The following HS3ST3A1 variants were observed in gnomAD, a reference collection of about 807,000 sequenced individuals.
HS3ST3A1 encodes heparan sulfate-glucosamine 3-sulfotransferase 3A1.
Under a neutral mutation model 25.7 loss-of-function variants are expected in HS3ST3A1, and 19 were observed. That is an observed-to-expected ratio of 0.74 (90% CI 0.52 to 1.08). The LOEUF (loss-of-function observed/expected upper bound fraction) is 1.08. Ranked by LOEUF, HS3ST3A1 falls within the 50% of genes least tolerant of loss-of-function variation. The pLI, the probability that HS3ST3A1 is intolerant of heterozygous loss-of-function variation, is 0.00. For missense variants in HS3ST3A1, 459 were observed against 594.3 expected (o/e 0.77, Z 2.37); for synonymous variants, 226 against 278.6 (o/e 0.81, Z 1.88).
intron 1 of HS3ST3A1, among the ~76,000 whole-genome samples, chr17:13,572,686 A>G (rs2142374478): frequency 6.6e-6 from 1 of 152,316 alleles, no homozygotes; most frequent in South Asian, 2.1e-4. Flanking sequence ...CACCTGCCTG[A>G]TCTTCACACC....
intron 1 of HS3ST3A1, among the ~76,000 whole-genome samples, chr17:13,522,102 A>G (rs1031638149): frequency 2.0e-5 from 3 of 152,242 alleles, no homozygotes; most frequent in Admixed American, 6.5e-5. Context: ...AAAGTGGAAT[A>G]CAGCAAAATA....
At chr17:13,498,446 A>T (rs948101281) in intron 1 of HS3ST3A1, among the ~76,000 whole-genome samples, 2 of 152,212 alleles carry the variant, frequency 1.3e-5, no homozygotes, top group Non-Finnish European at 2.9e-5. Context: ...GGTCATACAG[A>T]TCGGAACTCC....
intron 1 of HS3ST3A1, among the ~76,000 whole-genome samples, chr17:13,520,009 C>T (rs369508508): frequency 4.6e-4 from 70 of 152,286 alleles, no homozygotes; most frequent in Admixed American, 1.2e-3. Context: ...ATTCCATCTC[C>T]TAATAACTAT....
At chr17:13,599,594 A>G (rs1209341520) in intron 1 of HS3ST3A1, among the ~76,000 whole-genome samples, 2 of 152,350 alleles carry the variant, frequency 1.3e-5, no homozygotes, top group East Asian at 3.9e-4. Flanking sequence ...AGAAAGAAAA[A>G]AAAAGCCAAT....
chr17:13,544,259 G>C (rs2142348412), intron 1 of HS3ST3A1, among the ~76,000 whole-genome samples: 1 of 152,276 alleles, frequency 6.6e-6, no homozygotes, highest in African/African-American at 2.4e-5. Flanking sequence ...CCAAACCCTG[G>C]AAGTTTGCCT....
intron 1 of HS3ST3A1, among the ~76,000 whole-genome samples, chr17:13,593,829 T>A (rs1465540500): frequency 6.6e-6 from 1 of 152,194 alleles, no homozygotes; most frequent in Non-Finnish European, 1.5e-5. Flanking sequence ...AGTACAACGA[T>A]CAAAACCAAG....
chr17:13,534,969 T>C lies in HS3ST3A1; in HGVS notation c.600-38151A>G, dbSNP rs752425106. Among the ~76,000 whole-genome samples the C allele has an allele frequency of 1.6e-4, 25 of 152,114 alleles. 1 individual carries two copies. Among genetic ancestry groups the C allele is most frequent in the Admixed American group, 9.8e-4 (15 of 15,280 alleles). On this transcript the variant is annotated intron_variant, in intron 1 of 1. Coordinates refer to ENST00000284110, the MANE Select transcript of HS3ST3A1 (RefSeq NM_006042.3). The stretch of plus-strand genomic sequence containing the variant: ...TGAACCTGGGAGGCAGAGGTTGTGG[T>C]GAGCCGAGATTGTGCCATTGCACAA...
At chr17:13,546,095 C>T (rs1165529312) in intron 1 of HS3ST3A1, among the ~76,000 whole-genome samples, 2 of 152,080 alleles carry the variant, frequency 1.3e-5, no homozygotes, top group African/African-American at 4.8e-5. Context: ...CACCTGTCCG[C>T]CCTCTCTGAC....
At chr17:13,579,090 G>A (rs866635860) in intron 1 of HS3ST3A1, among the ~76,000 whole-genome samples, 1 of 152,146 alleles carries the variant, frequency 6.6e-6, no homozygotes, top group Non-Finnish European at 1.5e-5. Context: ...AACTGGACAC[G>A]TTTTTTCATT....
chr17:13,596,745 G>A (rs1598437201), intron 1 of HS3ST3A1, among the ~76,000 whole-genome samples: 2 of 152,150 alleles, frequency 1.3e-5, no homozygotes, highest in East Asian at 3.9e-4. Flanking sequence ...CTGCAGCTTC[G>A]TGGCTCGGAT....
At chr17:13,555,675 T>G (rs577361201) in intron 1 of HS3ST3A1, among the ~76,000 whole-genome samples, 1 of 152,276 alleles carries the variant, frequency 6.6e-6, no homozygotes, top group East Asian at 1.9e-4. Flanking sequence ...TGCACAAATA[T>G]GTCATTTTTT....
chr17:13,551,912 A>G (rs1241858217), intron 1 of HS3ST3A1, among the ~76,000 whole-genome samples: 1 of 152,012 alleles, frequency 6.6e-6, no homozygotes, highest in Non-Finnish European at 1.5e-5. Flanking sequence ...ATCTGAGTCT[A>G]CTCTATCTAA....
At chr17:13,571,634 G>A (rs1907815447) in intron 1 of HS3ST3A1, among the ~76,000 whole-genome samples, 1 of 152,198 alleles carries the variant, frequency 6.6e-6, no homozygotes, top group Non-Finnish European at 1.5e-5. Context: ...TAGGTAGATG[G>A]AAACATATAT....
chr17:13,532,231 T>C (rs9896557), intron 1 of HS3ST3A1, among the ~76,000 whole-genome samples: 3,117 of 152,274 alleles, frequency 0.02, 114 homozygotes, highest in African/African-American at 0.071. Context: ...ACATCTCTTA[T>C]GCCCTCCCAA....
chr17:13,494,718 T>A lies in HS3ST3A1; in HGVS notation c.*1479A>T, dbSNP rs1222675561. On this transcript the variant is annotated 3_prime_UTR_variant, in exon 2 of 2. Transcript: ENST00000284110. ...CATATGTGTTCCTCTCTAAACCAAT[T>A]TAATTCCCATTAATGCTAATCTTGT... Among the ~76,000 whole-genome samples, 2 of 152,116 alleles carry A rather than the reference T, an allele frequency of 1.3e-5. No homozygotes were observed. The highest frequency in any genetic ancestry group is 6.5e-5 in the Admixed American group (1 of 15,274).
chr17:13,519,648 T>C (rs1189615570), intron 1 of HS3ST3A1, among the ~76,000 whole-genome samples: 4 of 152,226 alleles, frequency 2.6e-5, no homozygotes, highest in Non-Finnish European at 5.9e-5. Context: ...ATTGACCTAA[T>C]TTGGCCTTTC....
chr17:13,587,627 T>C (rs1338933529), intron 1 of HS3ST3A1, among the ~76,000 whole-genome samples: 2 of 152,070 alleles, frequency 1.3e-5, no homozygotes, highest in Non-Finnish European at 2.9e-5. Flanking sequence ...ATGATTCATA[T>C]GGTACCCAGG....
intron 1 of HS3ST3A1, among the ~76,000 whole-genome samples, chr17:13,513,578 T>C (rs955639821): frequency 6.6e-5 from 10 of 152,226 alleles, no homozygotes; most frequent in Non-Finnish European, 1.2e-4. Context: ...TAATAACTTA[T>C]TTATAAAATT....
At chr17:13,543,547 A>G (rs1274371827) in intron 1 of HS3ST3A1, 1 of 167,982 alleles carries the variant, frequency 6.0e-6, no homozygotes, top group Non-Finnish European at 1.5e-5. Context: ...GACAGTGACT[A>G]CTTTTAGGTT....
Sources: gnomAD v4.1 joint callset for allele counts (sites outside exome capture counted in the v4.1 genomes callset) on GRCh38, gnomAD v4.1.1 for gene constraint, MANE v1.5 for transcripts, NCBI Gene and HGNC (gene_info 2026-07-23, HGNC 2026-07-21) for gene names.